SRFBP1: variants seen among roughly 807,000 people sequenced by gnomAD.
The protein encoded by SRFBP1 is serum response factor-binding protein 1.
In SRFBP1, 47 loss-of-function variants were observed where a neutral mutation model predicts 45.5. That is an observed-to-expected ratio of 1.03 (90% CI 0.82 to 1.32). SRFBP1 has a LOEUF of 1.32. Ranked by LOEUF, SRFBP1 falls within the 40% of genes most tolerant of loss-of-function variation. SRFBP1 has a pLI of 0.00. For synonymous variants in SRFBP1, 203 were observed against 166.3 expected (o/e 1.22, Z -1.70); for missense variants, 621 against 484.6 (o/e 1.28, Z -2.64).
At chr5:122,061,799 G>A (rs1413200538) in intron 2 of SRFBP1, among the ~76,000 whole-genome samples, 1 of 151,768 alleles carries the variant, frequency 6.6e-6, no homozygotes, top group East Asian at 1.9e-4. Flanking sequence ...CACTGAAAAG[G>A]TCCTATTTCA....
In SRFBP1 at chr5:122,020,458, C is replaced by G; in HGVS notation, c.723C>G (p.Ser241Arg). ...CCAAAAAAAACAAAGGATCTGATAG[C>G]TCACTCTCTGGTAACAGTGATGGCG... Reference protein sequence around the residue: ...SQTKKNKGSDSSLSGNSDGGE... With the variant: ...SQTKKNKGSDRSLSGNSDGGE... Residue 241 changes from serine (S) to arginine (R), a missense_variant, in exon 6 of 8, where the codon AGC (serine) becomes AGG (arginine). Physicochemically the swap from Ser to Arg is moderately radical, Grantham distance 110. Transcript: ENST00000339397. 6.2e-7 allele frequency: 1 copy of G among 1,614,028 alleles called. No individual in the cohort carries two copies. The highest frequency in any genetic ancestry group is 1.3e-5 in the African/African-American group (1 of 75,010).
chr5:122,031,682 T>C (rs1365431104), downstream of SRFBP1, among the ~76,000 whole-genome samples: 1 of 152,134 alleles, frequency 6.6e-6, no homozygotes, highest in Non-Finnish European at 1.5e-5. Flanking sequence ...TGAAAACATG[T>C]AATACTTGAA....
chr5:122,040,197 A>G (rs1410333592), intron 2 of SRFBP1, among the ~76,000 whole-genome samples: 2 of 152,096 alleles, frequency 1.3e-5, no homozygotes, highest in African/African-American at 2.4e-5. Flanking sequence ...TTTGTATTTC[A>G]AACATCTCTT....
rs547197063 is a variant in SRFBP1, at chr5:121,972,266, C to T, written c.37-1930C>T. ...GTATTTCTTATATTGTAACTTTATT[C>T]GTAAAGGAAGATGGGTCATGGAAGT... On this transcript the variant is annotated intron_variant, in intron 1 of 7. Coordinates refer to ENST00000339397, the MANE Select transcript of SRFBP1 (RefSeq NM_152546.3). Among the ~76,000 whole-genome samples, 23 of 151,818 alleles carry T rather than the reference C, an allele frequency of 1.5e-4. No homozygotes were observed. The South Asian group carries it at 4.4e-3, about 29-fold the overall frequency.
chr5:121,994,290 G>A (rs1004508051), intron 3 of SRFBP1, among the ~76,000 whole-genome samples: 2 of 151,736 alleles, frequency 1.3e-5, no homozygotes, highest in Non-Finnish European at 2.9e-5. Context: ...TTTCCTGTTT[G>A]CCTGGCATAT....
rs186649071 is a variant in SRFBP1 at position 121,986,020 on chromosome 5, T to C, written c.199-8579T>C. Among the ~76,000 whole-genome samples, 175 of 151,972 alleles carry C rather than the reference T, an allele frequency of 1.2e-3. 1 individual carries two copies. The highest frequency in any genetic ancestry group is 4.1e-3 in the African/African-American group (170 of 41,498). Reference sequence around the variant, plus strand: ...GGGAGATGTTCACATATATATGATATTTAAAATAATGAAACTGGATGAAAT... The same window carrying C: ...GGGAGATGTTCACATATATATGATACTTAAAATAATGAAACTGGATGAAAT... On this transcript the variant is annotated intron_variant, in intron 3 of 7. Transcript: ENST00000339397.
chr5:121,992,728 A>G (rs1333967751), intron 3 of SRFBP1, among the ~76,000 whole-genome samples: 3 of 152,180 alleles, frequency 2.0e-5, no homozygotes, highest in East Asian at 1.9e-4. Flanking sequence ...CCCTTTCTCA[A>G]TCAAATAACA....
At position 122,070,431 on chromosome 5, in the gene SRFBP1, T is replaced by C. The variant is rs41296581; in HGVS notation, n.312-4884T>C. 5.2e-3 allele frequency: 4,531 copies of C among 869,588 alleles called. 20 individuals are homozygous for C. Among genetic ancestry groups the C allele is most frequent in the Non-Finnish European group, 6.9e-3 (3,672 of 532,088 alleles). 53.9% of individuals were successfully genotyped at this position (869,588 alleles called of 1,614,324 possible). On this transcript the variant is annotated intron_variant and non_coding_transcript_variant, in intron 2 of 2. Transcript: ENST00000504881. ...ATACCATGATTATTTAACATTTGAA[T>C]CCAGAGAAGAGGGCCTATTGATCTG...
At position 121,965,330 on chromosome 5, in the gene SRFBP1, G is replaced by A. The variant is rs371360839; in HGVS notation, c.36+3262G>A. ...GGGTTTTTATGGTTTTAGGTCTGAC[G>A]TTTAAGTCTTTAATCCATCTTGAGT... is the stretch of plus-strand genomic sequence containing the variant. On this transcript the variant is annotated intron_variant, in intron 1 of 7. Transcript: ENST00000339397. 1.8e-3 allele frequency among the ~76,000 whole-genome samples: 272 copies of A among 152,192 alleles called. 2 individuals carry two copies. The highest frequency in any genetic ancestry group is 6.0e-3 in the African/African-American group (248 of 41,540).
intron 3 of SRFBP1, among the ~76,000 whole-genome samples, chr5:121,988,770 G>A (rs1279828875): frequency 1.3e-5 from 2 of 152,182 alleles, no homozygotes; most frequent in Admixed American, 6.5e-5. Context: ...TCATCTCCTA[G>A]GAGCTGGCCA....
chr5:121,965,258 T>C (rs1435989682), intron 1 of SRFBP1, among the ~76,000 whole-genome samples: 1 of 152,176 alleles, frequency 6.6e-6, no homozygotes. Context: ...TCATGTAGTC[T>C]TTGTCCATGC....
intron 1 of SRFBP1, among the ~76,000 whole-genome samples, chr5:121,971,088 A>C (rs1580497849): frequency 7.2e-6 from 1 of 138,868 alleles, no homozygotes; most frequent in African/African-American, 2.7e-5. Flanking sequence ...TGGTGAGGAC[A>C]GGGGACTGAA....
chr5:121,974,137 A>G, intron 1 of SRFBP1, 59 bp from the exon 2 acceptor site: 1 of 1,179,526 alleles, frequency 8.5e-7, no homozygotes, highest in Non-Finnish European at 1.3e-6. Context: ...ACTCAAAATA[A>G]AGTGTGTTTG....
intron 2 of SRFBP1, among the ~76,000 whole-genome samples, chr5:122,035,590 A>ATGATTT (rs1753681161): frequency 6.6e-6 from 1 of 152,136 alleles, no homozygotes; most frequent in African/African-American, 2.4e-5. Context: ...AAGAAAATTT[A>ATGATTT]TGATTTTGTA....
intron 6 of SRFBP1, among the ~76,000 whole-genome samples, chr5:122,021,462 A>T (rs1247597617): frequency 2.6e-5 from 4 of 152,174 alleles, no homozygotes; most frequent in African/African-American, 9.6e-5. Flanking sequence ...ATATATTTAC[A>T]AGTCAGGGAT....
chr5:122,018,596 G>A (rs969528931), intron 4 of SRFBP1, among the ~76,000 whole-genome samples: 1 of 152,218 alleles, frequency 6.6e-6, no homozygotes, highest in Non-Finnish European at 1.5e-5. Flanking sequence ...TGTCAGGTTA[G>A]GTGGTTTGAT....
intron 2 of SRFBP1, among the ~76,000 whole-genome samples, chr5:122,055,802 C>A (rs1187642912): frequency 6.6e-6 from 1 of 152,084 alleles, no homozygotes; most frequent in Non-Finnish European, 1.5e-5. Flanking sequence ...GTTGCTATTA[C>A]CATTTTCACT....
intron 2 of SRFBP1, 102 bp from the exon 3 acceptor site, chr5:121,975,213 T>C: frequency 8.2e-7 from 1 of 1,214,914 alleles, no homozygotes; most frequent in Non-Finnish European, 1.2e-6. Context: ...TATTTAGAGA[T>C]TTATTACGCT....
chr5:121,971,798 T>C (rs1263836966), intron 1 of SRFBP1, among the ~76,000 whole-genome samples: 1 of 152,096 alleles, frequency 6.6e-6, no homozygotes, highest in Non-Finnish European at 1.5e-5. Context: ...AAGAAAACTA[T>C]CTTGGAAAAC....
Sources: allele counts gnomAD v4.1 joint callset (sites outside exome capture counted in the v4.1 genomes callset), GRCh38; gene constraint gnomAD v4.1.1; transcripts MANE v1.5; gene names NCBI Gene and HGNC (gene_info 2026-07-23, HGNC 2026-07-21).